Variants in SEL1L observed in about 807,000 individuals in gnomAD.
SEL1L encodes the protein protein sel-1 homolog 1.
Under a neutral mutation model 109.8 loss-of-function variants are expected in SEL1L, and 52 were observed. The ratio of observed to expected loss-of-function variants is 0.47; its 90% CI spans 0.38 to 0.60. SEL1L has a LOEUF of 0.60. SEL1L is among the 20% of genes least tolerant of loss of function. The probability of loss-of-function intolerance (pLI) is 0.00; values close to 1 mark genes in which losing one functional copy is unlikely to be tolerated. For missense variants in SEL1L, 749 were observed against 962.2 expected (o/e 0.78, Z 2.93); for synonymous variants, 373 against 339.6 (o/e 1.10, Z -1.08).
In SEL1L at chr14:81,502,875, C is replaced by T. The variant is rs140424502; in HGVS notation, c.623G>A (p.Arg208Gln). ...NKKSQKREAY[R>Q]YLQKAASMNH... ...CATGCTTGCTGCCTTTTGGAGATAC[C>T]GATATGCTCTTCAAATGTAAACAAT... The change falls in exon 6 of 21, where the codon CGG becomes CAG. Residue 208 changes from arginine (R) to glutamine (Q), a missense_variant. Around this residue, in one of 2 missense-constraint regions of SEL1L, gnomAD observed 366 missense variants for 399.8 expected, o/e 0.92. Transcript: ENST00000336735. 464 of 1,601,380 alleles carry T rather than the reference C, an allele frequency of 2.9e-4. 5 individuals carry two copies. The South Asian group carries it at 3.6e-3, about 12-fold the overall frequency.
intron 6 of SEL1L, among the ~76,000 whole-genome samples, chr14:81,501,263 A>G (rs997744838): frequency 3.3e-5 from 5 of 152,202 alleles, no homozygotes; most frequent in Non-Finnish European, 7.3e-5. Context: ...GTGTTAAGCC[A>G]CTGTGATTTG....
chr14:81,502,608 G>C, intron 6 of SEL1L, 113 bp downstream of exon 6: 1 of 1,033,206 alleles, frequency 9.7e-7, no homozygotes, highest in Non-Finnish European at 1.4e-6. Context: ...CACAAAATTG[G>C]TATTTATCTT....
chr14:81,511,664 C>T (rs1413321841), intron 3 of SEL1L, among the ~76,000 whole-genome samples: 1 of 152,188 alleles, frequency 6.6e-6, no homozygotes, highest in South Asian at 2.1e-4. Context: ...AATATGATTG[C>T]TAGGTTAAAG....
Position 81,484,212 on chromosome 14 carries a change from A to T in SEL1L, c.2046+13T>A. ...AATTATGTGATTCAAACGTGTTTGGAAGCCACACTCACCTGTTTAATGCCC... is the reference window on the plus strand; with the variant it reads ...AATTATGTGATTCAAACGTGTTTGGTAGCCACACTCACCTGTTTAATGCCC... On this transcript the variant is annotated intron_variant, in intron 19 of 20. Transcript: ENST00000336735. The T allele has an allele frequency of 6.3e-7, 1 of 1,589,958 alleles. No individual in the cohort carries two copies. Among genetic ancestry groups the T allele is most frequent in the Non-Finnish European group, 8.6e-7 (1 of 1,161,058 alleles).
intron 8 of SEL1L, 27 bp downstream of exon 8, chr14:81,499,432 A>G (rs1341787396): frequency 6.3e-7 from 1 of 1,599,158 alleles, no homozygotes; most frequent in Non-Finnish European, 8.5e-7. Context: ...TGTTAATATT[A>G]TTAGCCTTCC....
At position 81,475,785 on chromosome 14, in the gene SEL1L, T is replaced by C. The variant is rs1318886818; in HGVS notation, c.*1187A>G. On this transcript the variant is annotated 3_prime_UTR_variant, in exon 21 of 21. Coordinates refer to ENST00000336735, the MANE Select transcript of SEL1L (RefSeq NM_005065.6). The stretch of plus-strand genomic sequence containing the variant: ...TTTCCTAATGTTAACAGTGAGAAAA[T>C]GGTGACTATGATAGCTAAGCAGTGG... 2 of 152,146 alleles carry C rather than the reference T, an allele frequency of 1.3e-5. No individual in the cohort carries two copies. Among genetic ancestry groups the C allele is most frequent in the African/African-American group, 4.8e-5 (2 of 41,426 alleles). 9.4% of individuals were successfully genotyped at this position (152,146 alleles called of 1,614,324 possible).
chr14:81,478,022 A>C (rs960516416), intron 20 of SEL1L, among the ~76,000 whole-genome samples: 3 of 152,218 alleles, frequency 2.0e-5, no homozygotes, highest in Non-Finnish European at 4.4e-5. Context: ...GATTTAACTA[A>C]AACACAAAAT....
At position 81,504,249 on chromosome 14, in the gene SEL1L, G is replaced by C; in HGVS notation, c.566C>G (p.Thr189Ser). ...GCTTCCATTAAGGATTTTCATTCCA[G>C]TTTGATACATCATTTCTGCTTCCTG... ...QMQEAEMMYQ[T>S]GMKILNGSNK... is the part of the protein sequence containing the mutation. Residue 189 changes from threonine (T) to serine (S), a missense_variant, in exon 5 of 21, where the codon ACT (threonine) becomes AGT (serine). Coordinates refer to ENST00000336735, the MANE Select transcript of SEL1L (RefSeq NM_005065.6). 3 of 1,600,282 alleles carry C rather than the reference G, an allele frequency of 1.9e-6. No individual in the cohort carries two copies. The highest frequency in any genetic ancestry group is 2.6e-6 in the Non-Finnish European group (3 of 1,173,720).
intron 4 of SEL1L, 64 bp downstream of exon 4, chr14:81,506,010 G>C: frequency 6.8e-7 from 1 of 1,478,406 alleles, no homozygotes; most frequent in East Asian, 2.4e-5. Context: ...CTAGAAAAAG[G>C]CCTTAAAAAC....
At chr14:81,503,559 C>T (rs1477560110) in intron 5 of SEL1L, among the ~76,000 whole-genome samples, 1 of 152,016 alleles carries the variant, frequency 6.6e-6, no homozygotes, top group Non-Finnish European at 1.5e-5. Context: ...GATTGGCTAG[C>T]TATTTTGTTT....
At chr14:81,513,275 C>G (rs761633541) in intron 3 of SEL1L, among the ~76,000 whole-genome samples, 116 of 152,340 alleles carry the variant, frequency 7.6e-4, no homozygotes, top group Non-Finnish European at 9.6e-4. Flanking sequence ...GCAGTGGCAA[C>G]CCCCTCGGGT....
intron 3 of SEL1L, among the ~76,000 whole-genome samples, chr14:81,525,836 CAT>C (rs1024119212): frequency 1.3e-5 from 2 of 152,066 alleles, no homozygotes; most frequent in Admixed American, 6.5e-5. Context: ...CAGGCTGCAA[CAT>C]AGAATACACA....
At chr14:81,531,657 C>A (rs982281341) in intron 1 of SEL1L, among the ~76,000 whole-genome samples, 4 of 151,948 alleles carry the variant, frequency 2.6e-5, no homozygotes, top group African/African-American at 9.7e-5. Context: ...GGGGCTCACT[C>A]CATCCTGCCA....
chr14:81,526,294 C>A (rs780628798), intron 3 of SEL1L, among the ~76,000 whole-genome samples: 6 of 152,100 alleles, frequency 3.9e-5, no homozygotes, highest in Non-Finnish European at 8.8e-5. Context: ...GGGATAAACA[C>A]CTAAATCAAA....
intron 20 of SEL1L, among the ~76,000 whole-genome samples, chr14:81,478,815 T>C (rs558364926): frequency 6.6e-6 from 1 of 152,286 alleles, no homozygotes; most frequent in East Asian, 1.9e-4. Flanking sequence ...GTGACACACA[T>C]GAGGGAAAGC....
intron 10 of SEL1L, among the ~76,000 whole-genome samples, chr14:81,496,981 G>T (rs1215615211): frequency 6.6e-6 from 1 of 152,124 alleles, no homozygotes; most frequent in East Asian, 1.9e-4. Flanking sequence ...GCATCATGCT[G>T]GCAGAGGGGA....
At chr14:81,518,172 C>T (rs1407199628) in intron 3 of SEL1L, among the ~76,000 whole-genome samples, 2 of 151,552 alleles carry the variant, frequency 1.3e-5, no homozygotes, top group African/African-American at 4.8e-5. Flanking sequence ...GGATTACAGG[C>T]ATGAGCCACT....
chr14:81,505,192 A>G (rs530099914), intron 4 of SEL1L, among the ~76,000 whole-genome samples: 1 of 152,350 alleles, frequency 6.6e-6, no homozygotes, highest in African/African-American at 2.4e-5. Context: ...GATTAACTAT[A>G]TAATACAAGT....
At chr14:81,485,333 T>G (rs1903485090) in intron 18 of SEL1L, among the ~76,000 whole-genome samples, 1 of 152,182 alleles carries the variant, frequency 6.6e-6, no homozygotes, top group Non-Finnish European at 1.5e-5. Flanking sequence ...TGGAGTGCAG[T>G]GGCATAATCT....
Sources: allele counts gnomAD v4.1 joint callset (sites outside exome capture counted in the v4.1 genomes callset), GRCh38; gene constraint gnomAD v4.1.1; regional missense constraint gnomAD v4.1.1; transcripts MANE v1.5; gene names NCBI Gene and HGNC (gene_info 2026-07-23, HGNC 2026-07-21).